Variants in STPG2 observed in about 807,000 individuals in gnomAD.
The protein encoded by STPG2 is sperm tail PG-rich repeat containing 2.
Under a neutral mutation model 54.2 loss-of-function variants are expected in STPG2, and 56 were observed. The observed-to-expected ratio is 1.03, with a 90% CI of 0.83 to 1.29. The LOEUF (loss-of-function observed/expected upper bound fraction) is 1.29, where lower values mean the gene tolerates loss of function less well. STPG2 is among the 50% of genes most tolerant of loss of function. The pLI is 0.00. For missense variants in STPG2, 596 were observed against 544.9 expected, an observed-to-expected ratio of 1.09 and a Z score of -0.93; for synonymous variants, 200 against 181.8, an observed-to-expected ratio of 1.10 and a Z score of -0.81.
chr4:98,081,539 T>C (rs1436312555), intron 5 of STPG2, among the ~76,000 whole-genome samples: 5 of 152,184 alleles, frequency 3.3e-5, no homozygotes, highest in Non-Finnish European at 1.5e-5. Flanking sequence ...GAAATAACCA[T>C]GAGAATTTCT....
intron 1 of STPG2, among the ~76,000 whole-genome samples, chr4:98,142,569 A>G (rs1175218324): frequency 1.3e-5 from 2 of 150,200 alleles, no homozygotes; most frequent in Non-Finnish European, 3.0e-5. Context: ...AATCTGTCTG[A>G]AAAAAAAACG....
Position 98,112,007 on chromosome 4 carries a change from C to T in STPG2, c.388-2702G>A, listed in dbSNP as rs187746982. The stretch of plus-strand genomic sequence containing the variant: ...ACCATCAGCTCCCGTGGTTCTCAGG[C>T]CTTCAGACTTGAACTCAGCTACTCC... On this transcript the variant is annotated intron_variant, in intron 3 of 10. Coordinates refer to ENST00000295268, the MANE Select transcript of STPG2 (RefSeq NM_174952.3). Among the ~76,000 whole-genome samples the T allele has an allele frequency of 3.6e-3, 543 of 152,102 alleles. 5 individuals are homozygous for T. The highest frequency in any genetic ancestry group is 0.012 in the African/African-American group (517 of 41,494).
intron 10 of STPG2, among the ~76,000 whole-genome samples, chr4:97,574,293 C>A (rs1408084914): frequency 6.6e-6 from 1 of 152,046 alleles, no homozygotes; most frequent in African/African-American, 2.4e-5. Context: ...TCACTCATTG[C>A]AAGGTTCATG....
chr4:97,939,562 T>A (rs1406139207), intron 8 of STPG2, among the ~76,000 whole-genome samples: 1 of 152,224 alleles, frequency 6.6e-6, no homozygotes, highest in African/African-American at 2.4e-5. Flanking sequence ...AATGCCCTTC[T>A]TTGTCATTTC....
chr4:97,876,617 A>C (rs1203270562), intron 8 of STPG2, among the ~76,000 whole-genome samples: 1 of 152,034 alleles, frequency 6.6e-6, no homozygotes, highest in Non-Finnish European at 1.5e-5. Context: ...TTTCCATACT[A>C]ATCATCACAT....
intron 6 of STPG2, among the ~76,000 whole-genome samples, chr4:97,978,368 A>G (rs1006713862): frequency 6.6e-6 from 1 of 152,228 alleles, no homozygotes; most frequent in African/African-American, 2.4e-5. Context: ...AGAAACATGG[A>G]TGGAGCTACA....
intron 9 of STPG2, among the ~76,000 whole-genome samples, chr4:97,821,160 G>A (rs1001963080): frequency 2.0e-5 from 3 of 152,132 alleles, no homozygotes; most frequent in African/African-American, 7.2e-5. Context: ...GGAGGTTCAG[G>A]AATTGAGAAA....
At chr4:97,537,441 T>C (rs1407071398) in intron 4 of STPG2, among the ~76,000 whole-genome samples, 1 of 152,184 alleles carries the variant, frequency 6.6e-6, no homozygotes, top group Non-Finnish European at 1.5e-5. Flanking sequence ...AGAGCCTCCC[T>C]TGTTGCTAGC....
intron 10 of STPG2, among the ~76,000 whole-genome samples, chr4:97,691,854 GA>G (rs1360845349): frequency 2.0e-5 from 3 of 152,084 alleles, no homozygotes; most frequent in African/African-American, 4.8e-5. Context: ...ACGTGAAGAC[GA>G]ATCATATCAC....
chr4:98,014,056 G>C (rs1735846057), intron 5 of STPG2, among the ~76,000 whole-genome samples: 1 of 152,024 alleles, frequency 6.6e-6, no homozygotes, highest in Non-Finnish European at 1.5e-5. Context: ...CTTTAGTTGT[G>C]ATGTGAGGGT....
intron 5 of STPG2, among the ~76,000 whole-genome samples, chr4:97,999,786 G>T: frequency 6.6e-6 from 1 of 152,120 alleles, no homozygotes; most frequent in Non-Finnish European, 1.5e-5. Context: ...TAAACCAAGG[G>T]GCAGGTGTCA....
At chr4:97,891,585 C>A (rs1034910283) in intron 8 of STPG2, among the ~76,000 whole-genome samples, 2 of 151,752 alleles carry the variant, frequency 1.3e-5, no homozygotes, top group African/African-American at 2.4e-5. Context: ...TTTTTGGGGT[C>A]TTTTTAAATT....
chr4:97,943,375 T>C (rs1733067252), intron 8 of STPG2, among the ~76,000 whole-genome samples: 1 of 152,178 alleles, frequency 6.6e-6, no homozygotes, highest in Non-Finnish European at 1.5e-5. Context: ...TCTGAATTGC[T>C]CAACTACTAA....
chr4:97,580,088 T>C (rs1285843182), intron 10 of STPG2, among the ~76,000 whole-genome samples: 2 of 151,964 alleles, frequency 1.3e-5, no homozygotes, highest in East Asian at 3.8e-4. Flanking sequence ...TGGTGTGTAA[T>C]AAACTATACT....
At chr4:98,126,581 G>A (rs371685821) in intron 3 of STPG2, among the ~76,000 whole-genome samples, 3 of 152,242 alleles carry the variant, frequency 2.0e-5, no homozygotes, top group South Asian at 2.1e-4. Context: ...TGCACCAACC[G>A]CCTAGTCAGT....
intron 5 of STPG2, among the ~76,000 whole-genome samples, chr4:98,092,269 A>G (rs552476686): frequency 6.6e-6 from 1 of 152,028 alleles, no homozygotes; most frequent in Non-Finnish European, 1.5e-5. Flanking sequence ...AAATTGAAAA[A>G]CTTTCCTTAG....
chr4:98,017,972 T>C (rs924483346), intron 5 of STPG2, among the ~76,000 whole-genome samples: 1 of 152,292 alleles, frequency 6.6e-6, no homozygotes, highest in South Asian at 2.1e-4. Flanking sequence ...TCCCTAGCCA[T>C]GTGGGACTGT....
At chr4:98,114,954 CAGTT>C (rs72450888) in intron 3 of STPG2, among the ~76,000 whole-genome samples, 59,968 of 151,724 alleles carry the variant, frequency 0.4, 12,097 homozygotes, top group Middle Eastern at 0.45. Flanking sequence ...CTCTAAATTA[CAGTT>C]TCTTTTATGT....
At chr4:97,597,214 A>G (rs191023608) in intron 10 of STPG2, among the ~76,000 whole-genome samples, 4 of 152,286 alleles carry the variant, frequency 2.6e-5, no homozygotes, top group African/African-American at 9.6e-5. Flanking sequence ...CTAGGAAGAA[A>G]CTGAATTCCT....
Sources: allele counts gnomAD v4.1 joint callset (sites outside exome capture counted in the v4.1 genomes callset), GRCh38; gene constraint gnomAD v4.1.1; transcripts MANE v1.5; gene names NCBI Gene and HGNC (gene_info 2026-07-23, HGNC 2026-07-21).